The following CHCHD4 variants were observed in gnomAD, a reference collection of about 807,000 sequenced individuals.
CHCHD4 encodes the protein coiled-coil-helix-coiled-coil-helix domain containing 4.
A neutral mutation model predicts 12.4 loss-of-function variants in CHCHD4; 7 were observed. That is an observed-to-expected ratio of 0.57 (90% CI 0.32 to 1.06). CHCHD4 has a LOEUF of 1.06. Ranked by LOEUF, CHCHD4 falls within the 50% of genes least tolerant of loss-of-function variation. CHCHD4 has a pLI of 0.04. For missense variants in CHCHD4, 143 were observed against 175.1 expected (o/e 0.82, Z 1.03); for synonymous variants, 56 against 58.0 (o/e 0.97, Z 0.16).
At chr3:14,122,269 A>T (rs550129371) in intron 1 of CHCHD4, among the ~76,000 whole-genome samples, 11 of 152,178 alleles carry the variant, frequency 7.2e-5, no homozygotes, top group African/African-American at 2.4e-5. Flanking sequence ...GTCACCTATG[A>T]CAGTCTGTAA....
chr3:14,120,641 G>A (rs567217968), intron 1 of CHCHD4, among the ~76,000 whole-genome samples: 1 of 152,264 alleles, frequency 6.6e-6, no homozygotes, highest in African/African-American at 2.4e-5. Context: ...TGCCCCCACT[G>A]GAATGTCAGC....
intron 1 of CHCHD4, 45 bp from the exon 2 acceptor site, chr3:14,116,569 G>T: frequency 7.0e-7 from 1 of 1,430,570 alleles, no homozygotes; most frequent in Non-Finnish European, 9.9e-7. Flanking sequence ...TTCAAGAGCA[G>T]TGAATCAGCT....
intron 1 of CHCHD4, chr3:14,121,772 G>T: frequency 7.0e-7 from 1 of 1,423,388 alleles, no homozygotes; most frequent in Non-Finnish European, 9.6e-7. Flanking sequence ...AAATCTGACT[G>T]CTAAGGACTT....
Position 14,116,613 on chromosome 3 carries a change from T to C in CHCHD4, c.23-89A>G, listed in dbSNP as rs114495322. 1,042 of 900,094 alleles carry C rather than the reference T, an allele frequency of 1.2e-3. 14 individuals are homozygous for C. The African/African-American group carries it at 0.016, about 14-fold the overall frequency. The allele number at this position is 900,094 out of a possible 1,614,324, so 55.8% of individuals were successfully genotyped here. ...AAAGCAGCCGCCACACAAACCAAGT[T>C]TGAAGACTCTCCCATATGCCATCCC... is the stretch of plus-strand genomic sequence containing the variant. On this transcript the variant is annotated intron_variant, in intron 1 of 2. Coordinates refer to ENST00000396914, the MANE Select transcript of CHCHD4 (RefSeq NM_001098502.2).
intron 1 of CHCHD4, among the ~76,000 whole-genome samples, chr3:14,118,366 G>A (rs1694897554): frequency 6.6e-6 from 1 of 152,240 alleles, no homozygotes; most frequent in Admixed American, 6.5e-5. Context: ...CAGCTATGCT[G>A]AGGGGAAAGC....
chr3:14,124,602 T>C (rs1416701086), intron 1 of CHCHD4, 53 bp downstream of exon 1: 16 of 1,440,526 alleles, frequency 1.1e-5, no homozygotes, highest in Non-Finnish European at 1.4e-5. Flanking sequence ...GGGGCCCGCG[T>C]GTCTCCCGCA....
chr3:14,116,564 G>A, intron 1 of CHCHD4, 40 bp from the exon 2 acceptor site: 6 of 1,461,614 alleles, frequency 4.1e-6, no homozygotes, highest in Non-Finnish European at 5.8e-6. Flanking sequence ...TTTCATTCAA[G>A]AGCAGTGAAT....
chr3:14,113,686 T>C (rs2124974682), intron 2 of CHCHD4, among the ~76,000 whole-genome samples: 1 of 151,928 alleles, frequency 6.6e-6, no homozygotes, highest in South Asian at 2.1e-4. Flanking sequence ...GCCTGGGGAC[T>C]GGTGAAAAGG....
Position 14,124,819 on chromosome 3 carries a change from G to T in CHCHD4, c.-143C>A. 1.0e-6 allele frequency: 1 copy of T among 996,376 alleles called. No individual in the cohort carries two copies. 61.7% of individuals were successfully genotyped at this position (996,376 alleles called of 1,614,324 possible). ...CCCCTCCCAGGCCTGCCCGCCGCGC[G>T]CCTGCCTCGGCGCCCTCGCAACCGC... On this transcript the variant is annotated 5_prime_UTR_variant, in exon 1 of 3. Coordinates refer to ENST00000396914, the MANE Select transcript of CHCHD4 (RefSeq NM_001098502.2).
chr3:14,116,296 A>G, intron 2 of CHCHD4, 130 bp downstream of exon 2: 1 of 729,060 alleles, frequency 1.4e-6, no homozygotes, highest in Non-Finnish European at 2.5e-6. Flanking sequence ...GCCCTCAGAG[A>G]TGGTCTATGG....
chr3:14,123,653 G>C (rs1448823402), intron 1 of CHCHD4, among the ~76,000 whole-genome samples: 4 of 152,174 alleles, frequency 2.6e-5, no homozygotes, highest in Admixed American at 1.3e-4. Flanking sequence ...AACTCTCTCT[G>C]TAGTTTTATA....
rs529519048 is a variant in CHCHD4 at position 14,124,232 on chromosome 3, G to C, written c.22+423C>G. Among the ~76,000 whole-genome samples, 4 of 152,318 alleles carry C rather than the reference G, an allele frequency of 2.6e-5. No homozygotes were observed. In the East Asian group the frequency reaches 7.7e-4, roughly 29 times the overall value. ...AGCACAGCACACGCTACCCCGAGTG[G>C]CAACTTTTCGGGACGCGCCTTTTAA... is the stretch of plus-strand genomic sequence containing the variant. On this transcript the variant is annotated intron_variant, in intron 1 of 2. Transcript: ENST00000396914.
At chr3:14,124,379 C>T (rs142312440) in intron 1 of CHCHD4, among the ~76,000 whole-genome samples, 3 of 152,324 alleles carry the variant, frequency 2.0e-5, no homozygotes, top group African/African-American at 7.2e-5. Context: ...CCCAACCGGA[C>T]CTAGTTTACG....
At position 14,116,446 on chromosome 3, in the gene CHCHD4, T is replaced by C. The variant is rs375791899; in HGVS notation, c.101A>G (p.Asn34Ser). Residue 34 changes from asparagine to serine, a missense_variant, in exon 2 of 3, where the codon AAC becomes AGC. Transcript: ENST00000396914. ...CTCACCATGCTCCTCGTATGGATCG[T>C]TGGGGTCATCAGCCACCAATTCTGC... Reference protein sequence around the residue: ...SSAELVADDPNDPYEEHGLIL... With the variant: ...SSAELVADDPSDPYEEHGLIL... The C allele has an allele frequency of 5.1e-5, 82 of 1,613,076 alleles. No homozygotes were observed. The highest frequency in any genetic ancestry group is 6.5e-5 in the Non-Finnish European group (77 of 1,179,144).
chr3:14,117,302 A>C (rs1376615061), intron 1 of CHCHD4, among the ~76,000 whole-genome samples: 1 of 152,170 alleles, frequency 6.6e-6, no homozygotes, highest in Non-Finnish European at 1.5e-5. Flanking sequence ...AGTGAGAGTC[A>C]AATGCATTTT....
chr3:14,121,422 A>T (rs1459303008), intron 1 of CHCHD4, among the ~76,000 whole-genome samples: 1 of 152,202 alleles, frequency 6.6e-6, no homozygotes, highest in Non-Finnish European at 1.5e-5. Context: ...AGACCAAAAA[A>T]TCCCTTGGAT....
intron 1 of CHCHD4, 26 bp from the exon 2 acceptor site, chr3:14,116,550 AAT>A: frequency 6.5e-7 from 1 of 1,531,144 alleles, no homozygotes; most frequent in Non-Finnish European, 9.1e-7. Flanking sequence ...CAGAGGAAGA[AAT>A]ATTTCATTCA....
At chr3:14,123,921 G>A (rs1442724641) in intron 1 of CHCHD4, among the ~76,000 whole-genome samples, 1 of 152,158 alleles carries the variant, frequency 6.6e-6, no homozygotes, top group African/African-American at 2.4e-5. Context: ...GTGGGAGGTA[G>A]GCAGGGTTCT....
intron 2 of CHCHD4, 107 bp from the exon 3 acceptor site, chr3:14,113,301 T>A (rs1694841725): frequency 3.3e-6 from 3 of 897,406 alleles, no homozygotes; most frequent in Non-Finnish European, 5.1e-6. Flanking sequence ...TATTGTTGCC[T>A]ATGGACCCAC....
Sources: allele counts gnomAD v4.1 joint callset (sites outside exome capture counted in the v4.1 genomes callset), GRCh38; gene constraint gnomAD v4.1.1; transcripts MANE v1.5; gene names NCBI Gene and HGNC (gene_info 2026-07-23, HGNC 2026-07-21).